Variants in COLEC10 observed in about 807,000 individuals in gnomAD.
COLEC10 encodes the protein collectin-10.
COLEC10 carries 22 observed loss-of-function variants against 28.4 expected under a neutral mutation model. The observed-to-expected ratio is 0.78, with a 90% CI of 0.55 to 1.11. The LOEUF (loss-of-function observed/expected upper bound fraction) is 1.11. Ranked by LOEUF, COLEC10 falls within the 50% of genes least tolerant of loss-of-function variation. COLEC10 has a pLI of 0.00. For synonymous variants in COLEC10, 125 were observed against 116.1 expected (o/e 1.08, Z -0.49); for missense variants, 361 against 344.1 (o/e 1.05, Z -0.39).
chr8:119,102,537 G>A (rs1815858217), intron 4 of COLEC10, 136 bp downstream of exon 4: 3 of 683,144 alleles, frequency 4.4e-6, no homozygotes, highest in Non-Finnish European at 7.1e-6. Flanking sequence ...CTAGAAGAAA[G>A]GGAAGAAGGG....
chr8:119,034,511 G>A (rs531974717), intron 2 of COLEC10, among the ~76,000 whole-genome samples: 14 of 151,828 alleles, frequency 9.2e-5, no homozygotes, highest in Non-Finnish European at 2.1e-4. Flanking sequence ...AGGAGTTCAA[G>A]ATCAGACTGG....
At chr8:119,031,911 T>C (rs1312885585) in intron 2 of COLEC10, among the ~76,000 whole-genome samples, 1 of 152,078 alleles carries the variant, frequency 6.6e-6, no homozygotes, top group Non-Finnish European at 1.5e-5. Context: ...AATAAAATAG[T>C]AACTAAAATT....
chr8:119,033,462 C>T (rs557330315), intron 2 of COLEC10, among the ~76,000 whole-genome samples: 2 of 152,180 alleles, frequency 1.3e-5, no homozygotes, highest in African/African-American at 4.8e-5. Context: ...AAAAGGCAAC[C>T]TATAGAACGG....
chr8:119,033,797 T>C (rs147896054), intron 2 of COLEC10, among the ~76,000 whole-genome samples: 7 of 152,132 alleles, frequency 4.6e-5, no homozygotes, highest in Admixed American at 6.5e-5. Context: ...TTGGTGGGAG[T>C]GTAAATTAGT....
intron 2 of COLEC10, among the ~76,000 whole-genome samples, chr8:119,053,459 G>A (rs1015394283): frequency 2.0e-5 from 3 of 151,986 alleles, no homozygotes; most frequent in African/African-American, 7.2e-5. Flanking sequence ...TCTGGCACCT[G>A]GCTTCCACAT....
intron 2 of COLEC10, among the ~76,000 whole-genome samples, chr8:119,034,737 C>T (rs559713352): frequency 6.6e-6 from 1 of 152,218 alleles, no homozygotes; most frequent in South Asian, 2.1e-4. Context: ...TGATGTTAGT[C>T]TTACTCTTGG....
intron 2 of COLEC10, among the ~76,000 whole-genome samples, chr8:119,010,503 C>T (rs539178765): frequency 6.6e-6 from 1 of 150,954 alleles, no homozygotes; most frequent in South Asian, 2.1e-4. Flanking sequence ...GATATACAAA[C>T]TCTATTAGTT....
chr8:118,988,043 A>T, the COLEC10 span, among the ~76,000 whole-genome samples: 1 of 152,144 alleles, frequency 6.6e-6, no homozygotes, highest in Non-Finnish European at 1.5e-5. Context: ...AGACAGGTGC[A>T]TCCAGAGAGA....
rs118086109 is a variant in COLEC10, at chr8:119,090,535, G to A, written c.221-614G>A. On this transcript the variant is annotated intron_variant, in intron 2 of 5. Transcript: ENST00000332843. ...CTGACTTAAACCTATGTATACATAT[G>A]CATGTCGATTACAAGATTATTCTTA... Among the ~76,000 whole-genome samples the A allele has an allele frequency of 1.5e-3, 225 of 152,304 alleles. 4 individuals are homozygous for A. The highest frequency in any genetic ancestry group is 0.013 in the East Asian group (65 of 5,184).
intron 2 of COLEC10, among the ~76,000 whole-genome samples, chr8:119,053,108 A>G (rs796510115): frequency 9.9e-5 from 15 of 152,270 alleles, no homozygotes; most frequent in African/African-American, 3.6e-4. Flanking sequence ...GATGTGCTCT[A>G]CAATAATAAC....
chr8:119,021,002 A>G (rs1254257680), intron 2 of COLEC10, among the ~76,000 whole-genome samples: 2 of 152,134 alleles, frequency 1.3e-5, no homozygotes, highest in African/African-American at 4.8e-5. Context: ...TTTCAACATT[A>G]TAGATGATAT....
At chr8:118,971,682 A>G in the COLEC10 span, among the ~76,000 whole-genome samples, 32 of 152,002 alleles carry the variant, frequency 2.1e-4, no homozygotes, top group Non-Finnish European at 3.7e-4. Context: ...TTATACATAA[A>G]AAATGTTGAA....
At chr8:119,070,412 T>C (rs754525936) in intron 1 of COLEC10, among the ~76,000 whole-genome samples, 4 of 151,640 alleles carry the variant, frequency 2.6e-5, no homozygotes, top group Admixed American at 6.6e-5. Flanking sequence ...TTATCATTTA[T>C]GTTACCTAAC....
At position 119,108,209 on chromosome 8, in the gene COLEC10, A is replaced by G. The variant is rs1330083103; in HGVS notation, c.*2018A>G. On this transcript the variant is annotated 3_prime_UTR_variant, in exon 6 of 6. Coordinates refer to ENST00000332843, the MANE Select transcript of COLEC10 (RefSeq NM_006438.5). Reference sequence around the variant, plus strand: ...ACAAAGTAGGACATCAAACGCCAGTATCCTTGGATAGAAAGCCATCCCAGA... The same window carrying G: ...ACAAAGTAGGACATCAAACGCCAGTGTCCTTGGATAGAAAGCCATCCCAGA... Among the ~76,000 whole-genome samples, 1 of 152,232 alleles carries G rather than the reference A, an allele frequency of 6.6e-6. No homozygotes were observed.
At chr8:119,072,948 A>T (rs970151790) in intron 1 of COLEC10, among the ~76,000 whole-genome samples, 1 of 152,184 alleles carries the variant, frequency 6.6e-6, no homozygotes, top group East Asian at 1.9e-4. Flanking sequence ...CACAACTTGA[A>T]TTATTTCCCA....
intron 1 of COLEC10, chr8:119,067,640 G>A: frequency 2.0e-6 from 1 of 488,976 alleles, no homozygotes; most frequent in Non-Finnish European, 3.6e-6. Context: ...TGTTGGGAAG[G>A]GGAAACCCAG....
chr8:119,097,462 C>A (rs543014156), intron 3 of COLEC10, among the ~76,000 whole-genome samples: 1 of 151,988 alleles, frequency 6.6e-6, no homozygotes, highest in East Asian at 1.9e-4. Flanking sequence ...ATAATTCATT[C>A]ATTGACGAAA....
intron 2 of COLEC10, among the ~76,000 whole-genome samples, chr8:119,062,055 A>T (rs78659183): frequency 2.4e-4 from 37 of 152,312 alleles, no homozygotes; most frequent in African/African-American, 8.4e-4. Context: ...AAACAAAATT[A>T]GTACATGAAA....
intron 2 of COLEC10, among the ~76,000 whole-genome samples, chr8:119,060,393 G>T (rs1311299136): frequency 1.3e-5 from 2 of 152,110 alleles, no homozygotes; most frequent in African/African-American, 2.4e-5. Context: ...GAGGCAAAAT[G>T]AGGCTGAAAA....
Sources: allele counts gnomAD v4.1 joint callset (sites outside exome capture counted in the v4.1 genomes callset), GRCh38; gene constraint gnomAD v4.1.1; transcripts MANE v1.5; gene names NCBI Gene and HGNC (gene_info 2026-07-23, HGNC 2026-07-21).